PTPRM: variants seen among roughly 807,000 people sequenced by gnomAD.
PTPRM encodes the protein receptor-type tyrosine-protein phosphatase mu.
PTPRM carries 47 observed loss-of-function variants against 186.7 expected under a neutral mutation model. The observed-to-expected ratio is 0.25, with a 90% confidence interval of 0.20 to 0.32. PTPRM has a LOEUF of 0.32. PTPRM is among the 10% of genes least tolerant of loss of function. PTPRM has a pLI of 1.00. For missense variants in PTPRM, 1,494 were observed against 1,865.0 expected (o/e 0.80, Z 3.66); for synonymous variants, 668 against 674.9 (o/e 0.99, Z 0.16).
At chr18:7,651,256 C>T (rs1360888570) in intron 1 of PTPRM, among the ~76,000 whole-genome samples, 1 of 151,902 alleles carries the variant, frequency 6.6e-6, no homozygotes, top group Non-Finnish European at 1.5e-5. Context: ...CCAGGCTTCA[C>T]AATACATTTT....
intron 10 of PTPRM, among the ~76,000 whole-genome samples, chr18:8,086,131 G>C (rs1772717399): frequency 6.6e-6 from 1 of 152,244 alleles, no homozygotes; most frequent in East Asian, 1.9e-4. Flanking sequence ...GAGGCAGAAG[G>C]TTCTGTTGAG....
At chr18:7,842,048 G>A (rs1274433466) in intron 2 of PTPRM, among the ~76,000 whole-genome samples, 2 of 152,006 alleles carry the variant, frequency 1.3e-5, no homozygotes, top group African/African-American at 4.8e-5. Flanking sequence ...GAGCAGGTGA[G>A]GGCACCTGGA....
chr18:8,344,694 C>T (rs918918655), intron 23 of PTPRM, among the ~76,000 whole-genome samples: 2 of 151,696 alleles, frequency 1.3e-5, no homozygotes, highest in African/African-American at 2.4e-5. Context: ...CGCTTGCATG[C>T]ACCCTTAGGA....
At chr18:8,252,246 A>T (rs2094534472) in intron 17 of PTPRM, among the ~76,000 whole-genome samples, 2 of 152,258 alleles carry the variant, frequency 1.3e-5, no homozygotes, top group Non-Finnish European at 2.9e-5. Context: ...TGGGGGATGA[A>T]AAGCAATTAT....
intron 15 of PTPRM, among the ~76,000 whole-genome samples, chr18:8,247,310 G>A (rs116823791): frequency 0.01 from 1,537 of 152,260 alleles, 24 homozygotes; most frequent in African/African-American, 0.035. Flanking sequence ...TTTTAAAGAA[G>A]AGCATTTTTG....
chr18:8,054,298 A>ATATATATATATATATAT lies in PTPRM; in HGVS notation c.1133-15388_1133-15387insTATATATATATATATAT, dbSNP rs1555710874. ...AGTAGTAATATATACTAGTAGTAGT[A>ATATATATATATATATAT]ATATATATATATATATATATATATT... On this transcript the variant is annotated intron_variant, in intron 7 of 32. Transcript: ENST00000580170. Among the ~76,000 whole-genome samples the ATATATATATATATATAT allele has an allele frequency of 2.8e-4, 37 of 131,690 alleles. 1 individual carries two copies. The highest frequency in any genetic ancestry group is 3.6e-3 in the Middle Eastern group (1 of 276). 86.4% of individuals were successfully genotyped at this position (131,690 alleles called of 152,430 possible).
intron 20 of PTPRM, among the ~76,000 whole-genome samples, chr18:8,299,322 G>A (rs912703781): frequency 4.6e-5 from 7 of 152,136 alleles, no homozygotes; most frequent in Non-Finnish European, 1.0e-4. Flanking sequence ...GACTCTGTGG[G>A]AGGCACTGCT....
chr18:8,140,543 C>G (rs1484309814), intron 13 of PTPRM, among the ~76,000 whole-genome samples: 3 of 150,562 alleles, frequency 2.0e-5, no homozygotes, highest in African/African-American at 7.4e-5. Flanking sequence ...TTTTCTTGGC[C>G]ATTATAAAAA....
At chr18:7,714,323 A>G (rs910633491) in intron 1 of PTPRM, among the ~76,000 whole-genome samples, 1 of 152,202 alleles carries the variant, frequency 6.6e-6, no homozygotes, top group Non-Finnish European at 1.5e-5. Context: ...AACCCAGGAG[A>G]ACAAAGACAC....
At chr18:8,130,809 C>G (rs1206565479) in intron 13 of PTPRM, among the ~76,000 whole-genome samples, 1 of 152,188 alleles carries the variant, frequency 6.6e-6, no homozygotes, top group Non-Finnish European at 1.5e-5. Context: ...AAAGCATGTA[C>G]ACAGCAAGTA....
At chr18:8,024,802 G>GC (rs1600130079) in intron 7 of PTPRM, among the ~76,000 whole-genome samples, 1 of 149,466 alleles carries the variant, frequency 6.7e-6, no homozygotes, top group Non-Finnish European at 1.5e-5. Flanking sequence ...TTCCACCTCA[G>GC]CCCCCCAAGT....
intron 3 of PTPRM, among the ~76,000 whole-genome samples, chr18:7,891,479 A>G (rs2146388026): frequency 6.6e-6 from 1 of 152,250 alleles, no homozygotes; most frequent in East Asian, 1.9e-4. Flanking sequence ...TAATAAACAC[A>G]TGCTTTTTAT....
chr18:8,384,509 G>C (rs1598536655), intron 29 of PTPRM, 52 bp from the exon 30 acceptor site: 12 of 1,601,158 alleles, frequency 7.5e-6, no homozygotes, highest in Non-Finnish European at 1.0e-5. Flanking sequence ...CAAACTGTTA[G>C]GAGTAAATTT....
intron 1 of PTPRM, among the ~76,000 whole-genome samples, chr18:7,687,503 G>A (rs368783478): frequency 3.3e-5 from 5 of 152,272 alleles, no homozygotes; most frequent in Admixed American, 2.0e-4. Context: ...CCTGTTAGAT[G>A]ATAATTTAAA....
chr18:7,874,116 T>TAA (rs11400321), intron 2 of PTPRM, among the ~76,000 whole-genome samples: 55 of 149,576 alleles, frequency 3.7e-4, no homozygotes, highest in African/African-American at 1.1e-3. Context: ...GGAAAAGTTT[T>TAA]AAAAAAAAAA....
At chr18:8,403,058 CCT>C (rs1345278270) in intron 32 of PTPRM, 5 of 152,106 alleles carry the variant, frequency 3.3e-5, no homozygotes, top group Admixed American at 1.3e-4. Context: ...GATCCAACCC[CCT>C]GTTTTATGAC....
chr18:7,957,537 G>A (rs1456986679), intron 7 of PTPRM, among the ~76,000 whole-genome samples: 1 of 152,136 alleles, frequency 6.6e-6, no homozygotes, highest in Non-Finnish European at 1.5e-5. Context: ...GCATGGTCTG[G>A]TTGTGCCCTG....
At chr18:8,011,821 A>C (rs8097950) in intron 7 of PTPRM, among the ~76,000 whole-genome samples, 2,267 of 152,364 alleles carry the variant, frequency 0.015, 68 homozygotes, top group African/African-American at 0.052. Flanking sequence ...ATTTGATATT[A>C]CCTGTGCCTT....
intron 14 of PTPRM, among the ~76,000 whole-genome samples, chr18:8,180,157 T>C (rs1217120299): frequency 6.6e-6 from 1 of 152,056 alleles, no homozygotes; most frequent in African/African-American, 2.4e-5. Context: ...TGTATGGAGG[T>C]TGAACACCTG....
Sources: gnomAD v4.1 joint callset for allele counts (sites outside exome capture counted in the v4.1 genomes callset) on GRCh38, gnomAD v4.1.1 for gene constraint, MANE v1.5 for transcripts, NCBI Gene and HGNC (gene_info 2026-07-23, HGNC 2026-07-21) for gene names.